The following DEFB110 variants were observed in gnomAD, a reference collection of about 807,000 sequenced individuals.
The protein encoded by DEFB110 is beta-defensin 110.
A neutral mutation model predicts 2.5 loss-of-function variants in DEFB110; 4 were observed. The observed-to-expected ratio is 1.60, with a 90% CI of 0.79 to 3.66. DEFB110 has a LOEUF of 3.66. Among genes scored for constraint, DEFB110 ranks in the 30% most tolerant of loss-of-function variants. The probability of loss-of-function intolerance (pLI) is 0.01; values close to 1 mark genes in which losing one functional copy is unlikely to be tolerated. For synonymous variants in DEFB110, 29 were observed against 21.8 expected (o/e 1.33, Z -0.92); for missense variants, 94 against 75.4 (o/e 1.25, Z -0.91).
intron 1 of DEFB110, among the ~76,000 whole-genome samples, chr6:50,020,852 T>A (rs1774406139): frequency 6.6e-6 from 1 of 152,216 alleles, no homozygotes; most frequent in African/African-American, 2.4e-5. Flanking sequence ...CTACATTTTC[T>A]GAGGAGTTAT....
chr6:50,009,151 T>C (rs1166890231), exon 2 of DEFB110: 1 of 1,610,332 alleles, frequency 6.2e-7, no homozygotes, highest in African/African-American at 1.3e-5. Context: ...TACGCAGCAC[T>C]GACTTCTCCA....
chr6:50,010,985 G>T (rs1774217787), intron 1 of DEFB110, among the ~76,000 whole-genome samples: 1 of 151,686 alleles, frequency 6.6e-6, no homozygotes, highest in African/African-American at 2.4e-5. Flanking sequence ...AATGTTTTGA[G>T]TTATGAGGAA....
intron 1 of DEFB110, 114 bp from the exon 2 acceptor site, chr6:50,019,239 A>T (rs1774375746): frequency 8.9e-7 from 1 of 1,121,714 alleles, no homozygotes. Context: ...CCACCTACCT[A>T]TGGAGGAAAG....
chr6:50,018,800 T>C, downstream of DEFB110: 1 of 1,285,960 alleles, frequency 7.8e-7, no homozygotes, highest in East Asian at 3.1e-5. Context: ...GAGAAAAGTG[T>C]AATGGAAAGG....
downstream of DEFB110, among the ~76,000 whole-genome samples, chr6:50,015,946 T>A (rs966968405): frequency 6.6e-6 from 1 of 151,838 alleles, no homozygotes; most frequent in African/African-American, 2.4e-5. Flanking sequence ...TCAAATTGAA[T>A]ATTACTTAAA....
chr6:50,017,062 T>C (rs1326400970), downstream of DEFB110, among the ~76,000 whole-genome samples: 2 of 151,770 alleles, frequency 1.3e-5, no homozygotes, highest in Admixed American at 1.3e-4. Flanking sequence ...GATTTAGATG[T>C]CTTGATGGAG....
At chr6:50,018,720 A>G, downstream of DEFB110, 1 of 891,476 alleles carries the variant, frequency 1.1e-6, no homozygotes, top group Non-Finnish European at 1.4e-6. Context: ...AACTTGTGGA[A>G]CATGAAGCAC....
chr6:50,010,946 C>T (rs1460987903), intron 1 of DEFB110, among the ~76,000 whole-genome samples: 2 of 151,428 alleles, frequency 1.3e-5, no homozygotes, highest in Non-Finnish European at 3.0e-5. Context: ...TAATTTTGTT[C>T]TGACTTTCTA....
At chr6:50,011,881 A>C (rs971054300) in intron 1 of DEFB110, among the ~76,000 whole-genome samples, 2 of 152,076 alleles carry the variant, frequency 1.3e-5, no homozygotes. Flanking sequence ...GGGTCAGTTG[A>C]AAGTTTGAAA....
chr6:50,018,669 C>T (rs1774359614), downstream of DEFB110, among the ~76,000 whole-genome samples: 1 of 151,962 alleles, frequency 6.6e-6, no homozygotes, highest in South Asian at 2.1e-4. Flanking sequence ...TTCCCACAAC[C>T]TTACTTATGG....
chr6:50,014,747 T>C (rs1284525283), downstream of DEFB110, among the ~76,000 whole-genome samples: 2 of 151,766 alleles, frequency 1.3e-5, no homozygotes, highest in African/African-American at 4.8e-5. Flanking sequence ...AATGATCCAA[T>C]TGAAGATTCC....
chr6:50,009,497 A>G (rs934703791), intron 1 of DEFB110, among the ~76,000 whole-genome samples: 18 of 152,194 alleles, frequency 1.2e-4, no homozygotes, highest in Non-Finnish European at 4.4e-5. Flanking sequence ...CTTGCAGCTC[A>G]CATCCATACT....
At chr6:50,019,178 T>A in intron 1 of DEFB110, 53 bp from the exon 2 acceptor site, 3 of 1,562,100 alleles carry the variant, frequency 1.9e-6, no homozygotes, top group Non-Finnish European at 2.6e-6. Flanking sequence ...GACACATCCA[T>A]GTTTTAAAAG....
chr6:50,019,334 C>T (rs918470967), intron 1 of DEFB110, among the ~76,000 whole-genome samples: 4 of 152,080 alleles, frequency 2.6e-5, no homozygotes, highest in Non-Finnish European at 4.4e-5. Flanking sequence ...TTTCCACTTT[C>T]TGTCTTACAA....
exon 2 of DEFB110, chr6:50,009,243 T>A: frequency 6.2e-7 from 1 of 1,605,836 alleles, no homozygotes; most frequent in Non-Finnish European, 8.5e-7. Flanking sequence ...ATCTTTCAAA[T>A]CTATACTTTG....
At chr6:50,016,397 A>G (rs1229570179), downstream of DEFB110, among the ~76,000 whole-genome samples, 3 of 151,882 alleles carry the variant, frequency 2.0e-5, no homozygotes, top group African/African-American at 4.8e-5. Context: ...ATGAAAATTT[A>G]TATTGTGGGC....
At chr6:50,018,799 G>A (rs1582368268), downstream of DEFB110, 2 of 1,284,788 alleles carry the variant, frequency 1.6e-6, no homozygotes, top group Non-Finnish European at 2.0e-6. Context: ...GGAGAAAAGT[G>A]TAATGGAAAG....
rs759716015 is a variant in DEFB110, at chr6:50,021,940, G to C, written c.-5C>G. On this transcript the variant is annotated 5_prime_UTR_variant, in exon 1 of 2. Coordinates refer to ENST00000371148, the MANE Select transcript of DEFB110 (RefSeq NM_001037497.2). Reference sequence around the variant, plus strand: ...GAAAAAAAGTTGAATCTTCATGGTAGAGAGTTTCTTAAAAAAAGGGGGCAA... The same window carrying C: ...GAAAAAAAGTTGAATCTTCATGGTACAGAGTTTCTTAAAAAAAGGGGGCAA... The C allele has an allele frequency of 1.3e-6, 2 of 1,543,502 alleles. No individual in the cohort carries two copies.
downstream of DEFB110, among the ~76,000 whole-genome samples, chr6:50,015,571 T>C (rs1774302323): frequency 6.6e-6 from 1 of 151,834 alleles, no homozygotes; most frequent in South Asian, 2.1e-4. Context: ...AAATCATGTT[T>C]AAAATTACTA....
Sources: gnomAD v4.1 joint callset for allele counts (sites outside exome capture counted in the v4.1 genomes callset) on GRCh38, gnomAD v4.1.1 for gene constraint, MANE v1.5 for transcripts, NCBI Gene and HGNC (gene_info 2026-07-23, HGNC 2026-07-21) for gene names.